Variants in OSBP observed in about 807,000 individuals in gnomAD.
OSBP encodes oxysterol-binding protein 1.
Under a neutral mutation model 96.6 loss-of-function variants are expected in OSBP, and 32 were observed. The observed-to-expected ratio is 0.33, with a 90% CI of 0.25 to 0.45. OSBP has a LOEUF of 0.45. Among genes scored for constraint, OSBP ranks in the 20% least tolerant of loss-of-function variants. The pLI, the probability that OSBP is intolerant of heterozygous loss-of-function variation, is 1.00. For synonymous variants in OSBP, 369 were observed against 389.6 expected, an observed-to-expected ratio of 0.95 and a Z score of 0.62; for missense variants, 653 against 1,029.7, an observed-to-expected ratio of 0.63 and a Z score of 5.01.
chr11:59,589,918 G>A (rs1009015606), intron 9 of OSBP, among the ~76,000 whole-genome samples: 2 of 152,122 alleles, frequency 1.3e-5, no homozygotes, highest in African/African-American at 4.8e-5. Flanking sequence ...AGGAGGAGGA[G>A]GTTGCAGTGA....
At chr11:59,590,597 T>C (rs1255137439) in intron 9 of OSBP, among the ~76,000 whole-genome samples, 2 of 152,228 alleles carry the variant, frequency 1.3e-5, no homozygotes, top group Non-Finnish European at 2.9e-5. Flanking sequence ...ACTCAACAAA[T>C]GCTACTTCAA....
chr11:59,610,369 T>G lies in OSBP; in HGVS notation c.571+12A>C, dbSNP rs1200287527. ...AAGAAAGTTCCCCAGGCAGGTGTTC[T>G]TTGTTCCTGACCTGACTCTGCCAGC... is the stretch of plus-strand genomic sequence containing the variant. On this transcript the variant is annotated intron_variant, in intron 2 of 13. Transcript: ENST00000263847. The G allele has an allele frequency of 1.2e-6, 2 of 1,611,446 alleles. No individual in the cohort carries two copies. Among genetic ancestry groups the G allele is most frequent in the African/African-American group, 2.7e-5 (2 of 74,880 alleles).
chr11:59,601,116 A>AG (rs1860719123), intron 5 of OSBP, among the ~76,000 whole-genome samples, 167 bp downstream of exon 5: 1 of 5,166 alleles, frequency 1.9e-4, no homozygotes, highest in East Asian at 0.019. Flanking sequence ...ATCTTGAGAC[A>AG]AAAAAAAAAA....
chr11:59,581,608 A>C, intron 9 of OSBP, 54 bp from the exon 10 acceptor site: 1 of 915,048 alleles, frequency 1.1e-6, no homozygotes, highest in East Asian at 2.4e-5. Context: ...AAATAGCACC[A>C]TGCAGCCTCA....
intron 10 of OSBP, 46 bp from the exon 11 acceptor site, chr11:59,580,315 A>G: frequency 8.7e-7 from 1 of 1,147,512 alleles, no homozygotes. Flanking sequence ...GATAAATTCA[A>G]TGTCTGCCAA....
chr11:59,612,081 A>G (rs759125090), intron 1 of OSBP, among the ~76,000 whole-genome samples: 2 of 152,188 alleles, frequency 1.3e-5, no homozygotes, highest in Non-Finnish European at 2.9e-5. Flanking sequence ...AGCCAAACAC[A>G]CCTGGCATAT....
chr11:59,613,725 A>G (rs2134712330), intron 1 of OSBP, among the ~76,000 whole-genome samples: 1 of 152,366 alleles, frequency 6.6e-6, no homozygotes. Context: ...ATTAAAATCA[A>G]TTCTGAATAC....
intron 3 of OSBP, among the ~76,000 whole-genome samples, chr11:59,602,142 G>C (rs562343114): frequency 2.4e-4 from 36 of 152,304 alleles, no homozygotes; most frequent in Non-Finnish European, 3.7e-4. Context: ...AAAAAGAGCA[G>C]GTATGTGAAC....
rs751954602 is a variant in OSBP, at chr11:59,610,526, G to A, written c.426C>T (p.Thr142=). The stretch of plus-strand genomic sequence containing the variant: ...TGATGAAGTTGCAGGAGTCCTCCAC[G>A]GTGATGTTGGCTGTGGCGAGGTTGA... ...GTINLATANI[T]VEDSCNFIIS... is the part of the protein sequence containing the mutation. Residue 142 remains threonine, a synonymous_variant, in exon 2 of 14, where the codon ACC becomes ACT. Coordinates refer to ENST00000263847, the MANE Select transcript of OSBP (RefSeq NM_002556.3). The A allele has an allele frequency of 6.3e-5, 101 of 1,614,006 alleles. 1 individual carries two copies. The highest frequency in any genetic ancestry group is 1.9e-4 in the South Asian group (17 of 91,084).
intron 1 of OSBP, 21 bp downstream of exon 1, chr11:59,615,282 C>T (rs1860908583): frequency 7.6e-6 from 12 of 1,580,044 alleles, no homozygotes; most frequent in Non-Finnish European, 9.5e-6. Flanking sequence ...AGGTGAGCGA[C>T]AGCGCCCCGG....
In OSBP at chr11:59,577,035, G is replaced by C. The variant is rs2134649141; in HGVS notation, c.2061-10C>G. The stretch of plus-strand genomic sequence containing the variant: ...GTTTTCTGCATTCTTCCTAAAAGTA[G>C]AAGACAAGAAAAAGAAATGGTAATC... On this transcript the variant is annotated splice_polypyrimidine_tract_variant and intron_variant, in intron 12 of 13. Coordinates refer to ENST00000263847, the MANE Select transcript of OSBP (RefSeq NM_002556.3). 1 of 1,605,376 alleles carries C rather than the reference G, an allele frequency of 6.2e-7. No homozygotes were observed. Among genetic ancestry groups the C allele is most frequent in the South Asian group, 1.1e-5 (1 of 89,950 alleles).
chr11:59,588,377 A>C (rs934741890), intron 9 of OSBP, among the ~76,000 whole-genome samples: 4 of 151,844 alleles, frequency 2.6e-5, no homozygotes, highest in African/African-American at 7.2e-5. Context: ...CTACTAAAAC[A>C]ACACAAAAAT....
intron 1 of OSBP, among the ~76,000 whole-genome samples, chr11:59,613,592 A>G (rs1316712895): frequency 6.6e-6 from 1 of 152,244 alleles, no homozygotes; most frequent in Non-Finnish European, 1.5e-5. Flanking sequence ...CATTAAAATG[A>G]TGGTCAATAA....
intron 9 of OSBP, among the ~76,000 whole-genome samples, chr11:59,584,096 C>T (rs1860462846): frequency 6.6e-6 from 1 of 152,038 alleles, no homozygotes; most frequent in Non-Finnish European, 1.5e-5. Context: ...TAGGCATATG[C>T]CAAAATGCCC....
intron 3 of OSBP, among the ~76,000 whole-genome samples, chr11:59,604,158 T>C (rs957099491): frequency 7.2e-5 from 11 of 152,140 alleles, no homozygotes; most frequent in Non-Finnish European, 1.6e-4. Context: ...CATAAACAAA[T>C]AGTAACAATA....
intron 1 of OSBP, among the ~76,000 whole-genome samples, chr11:59,612,294 T>C (rs1191983062): frequency 1.3e-5 from 2 of 152,316 alleles, no homozygotes; most frequent in Non-Finnish European, 2.9e-5. Flanking sequence ...GAATCCGTTT[T>C]TTCTATTCTT....
At chr11:59,585,601 T>A (rs1459876703) in intron 9 of OSBP, among the ~76,000 whole-genome samples, 1 of 151,626 alleles carries the variant, frequency 6.6e-6, no homozygotes, top group Non-Finnish European at 1.5e-5. Context: ...GGGGCGCCTC[T>A]GCCCAGCCGC....
At chr11:59,604,876 G>A (rs983681596) in intron 3 of OSBP, among the ~76,000 whole-genome samples, 35 of 139,968 alleles carry the variant, frequency 2.5e-4, no homozygotes, top group Middle Eastern at 7.1e-3. Flanking sequence ...GAAAAAGGCC[G>A]AGCACAGTGG....
chr11:59,583,496 A>G (rs1378759061), intron 9 of OSBP, among the ~76,000 whole-genome samples: 1 of 152,096 alleles, frequency 6.6e-6, no homozygotes, highest in Non-Finnish European at 1.5e-5. Flanking sequence ...TATGACATCA[A>G]TGATAATAAC....
Sources: gnomAD v4.1 joint callset for allele counts (sites outside exome capture counted in the v4.1 genomes callset) on GRCh38, gnomAD v4.1.1 for gene constraint, MANE v1.5 for transcripts, NCBI Gene and HGNC (gene_info 2026-07-23, HGNC 2026-07-21) for gene names.